SHISA9: variants seen among roughly 807,000 people sequenced by gnomAD.
SHISA9 encodes the protein shisa family member 9, also known as protein shisa-9.
In SHISA9, 13 loss-of-function variants were observed where a neutral mutation model predicts 38.0. The observed-to-expected ratio is 0.34, with a 90% CI of 0.22 to 0.54. The LOEUF is 0.54. SHISA9 is among the 20% of genes least tolerant of loss of function. SHISA9 has a pLI of 0.91. For synonymous variants in SHISA9, 275 were observed against 242.0 expected, an observed-to-expected ratio of 1.14 and a Z score of -1.27; for missense variants, 538 against 575.8, an observed-to-expected ratio of 0.93 and a Z score of 0.67.
chr16:13,429,184 A>G, the SHISA9 span, among the ~76,000 whole-genome samples: 1 of 152,298 alleles, frequency 6.6e-6, no homozygotes, highest in African/African-American at 2.4e-5. Context: ...CAAAGATCTC[A>G]ATTTTAGTAG....
chr16:13,125,147 A>G (rs1250513752), intron 2 of SHISA9, among the ~76,000 whole-genome samples: 2 of 152,242 alleles, frequency 1.3e-5, no homozygotes, highest in Non-Finnish European at 2.9e-5. Flanking sequence ...GCTTCTGCAT[A>G]ACAAAGGAAA....
At chr16:13,312,843 T>C in the SHISA9 span, among the ~76,000 whole-genome samples, 3 of 152,076 alleles carry the variant, frequency 2.0e-5, no homozygotes, top group African/African-American at 7.2e-5. Flanking sequence ...ATGTTTCAAT[T>C]ATGGACTAAA....
chr16:12,985,686 G>C (rs2072299049), intron 2 of SHISA9, among the ~76,000 whole-genome samples: 1 of 152,152 alleles, frequency 6.6e-6, no homozygotes, highest in African/African-American at 2.4e-5. Context: ...ACAAACAGCT[G>C]GTGTTGTGAC....
intron 2 of SHISA9, among the ~76,000 whole-genome samples, chr16:13,186,521 C>T (rs1269534013): frequency 6.6e-6 from 1 of 151,962 alleles, no homozygotes; most frequent in Admixed American, 6.6e-5. Context: ...TGGTCTCGAA[C>T]TCCTGACCTC....
At chr16:13,267,683 TGGATTATTATAA>T in the SHISA9 span, among the ~76,000 whole-genome samples, 1 of 152,190 alleles carries the variant, frequency 6.6e-6, no homozygotes, top group African/African-American at 2.4e-5. Flanking sequence ...GTCCAGTTGC[TGGATTATTATAA>T]GCAACTAGTA....
At chr16:13,500,041 G>A in the SHISA9 span, among the ~76,000 whole-genome samples, 1 of 152,296 alleles carries the variant, frequency 6.6e-6, no homozygotes, top group African/African-American at 2.4e-5. Context: ...ATGTGGCTTG[G>A]CTGTGTCCCC....
intron 2 of SHISA9, among the ~76,000 whole-genome samples, chr16:12,942,253 G>A (rs2071621623): frequency 6.6e-6 from 1 of 152,240 alleles, no homozygotes; most frequent in African/African-American, 2.4e-5. Context: ...GGACGGGAGA[G>A]TGGAACCTTC....
chr16:13,553,902 A>G, the SHISA9 span, among the ~76,000 whole-genome samples: 1 of 152,296 alleles, frequency 6.6e-6, no homozygotes. Flanking sequence ...AAACCAGATG[A>G]TGATCCACAT....
intron 4 of SHISA9, among the ~76,000 whole-genome samples, chr16:13,219,988 G>A (rs551832779): frequency 2.6e-5 from 4 of 152,214 alleles, no homozygotes; most frequent in East Asian, 3.9e-4. Flanking sequence ...GGAAAGAGAT[G>A]CATCTCACCT....
chr16:13,390,266 G>A, the SHISA9 span, among the ~76,000 whole-genome samples: 8 of 152,068 alleles, frequency 5.3e-5, no homozygotes, highest in South Asian at 4.2e-4. Flanking sequence ...CTTAAGTCAC[G>A]CCAGAACCAA....
intron 4 of SHISA9, among the ~76,000 whole-genome samples, chr16:13,218,012 A>AAGGAAGGAAGGAAGGGAGGGAGGG (rs1412549502): frequency 6.5e-5 from 9 of 138,624 alleles, no homozygotes; most frequent in African/African-American, 2.3e-4. Context: ...CCTGAGAGAG[A>AAGGAAGGAAGGAAGGGAGGGAGGG]AGGAAGGAAG....
chr16:13,036,218 C>A (rs6498373), intron 2 of SHISA9, among the ~76,000 whole-genome samples: 1 of 152,058 alleles, frequency 6.6e-6, no homozygotes, highest in South Asian at 2.1e-4. Context: ...TTTGTAATAG[C>A]TCCAAGCTAA....
the SHISA9 span, among the ~76,000 whole-genome samples, chr16:13,323,244 TC>T: frequency 6.6e-6 from 1 of 152,276 alleles, no homozygotes; most frequent in Admixed American, 6.5e-5. Flanking sequence ...CCACCAAACA[TC>T]CTTTTGGTAA....
At chr16:13,234,346 T>G (rs551636144) in intron 4 of SHISA9, among the ~76,000 whole-genome samples, 1 of 152,342 alleles carries the variant, frequency 6.6e-6, no homozygotes, top group Non-Finnish European at 1.5e-5. Flanking sequence ...TTTACACAGA[T>G]CATATCATTT....
chr16:12,988,231 T>C (rs568535327), intron 2 of SHISA9, among the ~76,000 whole-genome samples: 9 of 152,338 alleles, frequency 5.9e-5, no homozygotes, highest in African/African-American at 1.9e-4. Context: ...GTAGTTTAAA[T>C]TGTTAGTCAG....
intron 3 of SHISA9, among the ~76,000 whole-genome samples, chr16:13,206,350 C>T (rs372941): frequency 0.11 from 17,104 of 152,186 alleles, 1,236 homozygotes; most frequent in South Asian, 0.29. Flanking sequence ...ACTGCCAAGC[C>T]CCTCATTGGA....
At chr16:13,423,551 A>G in the SHISA9 span, among the ~76,000 whole-genome samples, 3 of 152,110 alleles carry the variant, frequency 2.0e-5, no homozygotes, top group African/African-American at 7.2e-5. Flanking sequence ...TTAATATCCA[A>G]ATAAAACAAC....
intron 4 of SHISA9, among the ~76,000 whole-genome samples, chr16:13,231,992 T>C (rs140413571): frequency 2.6e-3 from 401 of 152,326 alleles, no homozygotes; most frequent in Non-Finnish European, 4.2e-3. Flanking sequence ...TCCACCTTCA[T>C]TGTTGAAAGG....
rs546247143 is a variant in SHISA9 at position 12,936,063 on chromosome 16, A to G, written c.691+19248A>G. On this transcript the variant is annotated intron_variant, in intron 2 of 4. Transcript: ENST00000558583. ...AAATGGAAGGCTTAGAAGTCCAGGT[A>G]AGGGAATTTAGAACGGAGTCTCTGG... Among the ~76,000 whole-genome samples, 52 of 152,194 alleles carry G rather than the reference A, an allele frequency of 3.4e-4. 1 individual carries two copies. The South Asian group carries it at 0.01, about 30-fold the overall frequency.
Sources: allele counts gnomAD v4.1 joint callset (sites outside exome capture counted in the v4.1 genomes callset), GRCh38; gene constraint gnomAD v4.1.1; transcripts MANE v1.5; gene names NCBI Gene and HGNC (gene_info 2026-07-23, HGNC 2026-07-21).